Variants in STAU2 observed in about 807,000 individuals in gnomAD.
The protein encoded by STAU2 is staufen double-stranded RNA binding protein 2.
In STAU2, 20 loss-of-function variants were observed where a neutral mutation model predicts 65.9. The observed-to-expected ratio is 0.30, with a 90% confidence interval of 0.21 to 0.44. STAU2 has a LOEUF of 0.44. Ranked by LOEUF, STAU2 falls within the 20% of genes least tolerant of loss-of-function variation. The pLI, the probability that STAU2 is intolerant of heterozygous loss-of-function variation, is 1.00. For synonymous variants in STAU2, 232 were observed against 233.9 expected (o/e 0.99, Z 0.07); for missense variants, 558 against 683.9 (o/e 0.82, Z 2.05).
chr8:73,457,373 C>A (rs973480967), intron 13 of STAU2, among the ~76,000 whole-genome samples: 2 of 152,214 alleles, frequency 1.3e-5, no homozygotes, highest in South Asian at 2.1e-4. Flanking sequence ...TAAGGGCCAA[C>A]AAGGCTGCCC....
intron 6 of STAU2, among the ~76,000 whole-genome samples, chr8:73,639,132 G>T (rs912857367): frequency 3.3e-5 from 5 of 151,960 alleles, no homozygotes; most frequent in Non-Finnish European, 7.4e-5. Context: ...TATTTAAATT[G>T]TAGTATCTTG....
chr8:73,506,164 G>T (rs1026107650), intron 13 of STAU2, among the ~76,000 whole-genome samples: 1 of 152,124 alleles, frequency 6.6e-6, no homozygotes, highest in Non-Finnish European at 1.5e-5. Context: ...GGGCTAACAC[G>T]TGTTCCATTG....
intron 6 of STAU2, among the ~76,000 whole-genome samples, chr8:73,637,477 T>TAAAAAAAAAAAAAAAAAAAA (rs60833468): frequency 1.8e-3 from 101 of 57,100 alleles, no homozygotes; most frequent in East Asian, 3.2e-3. Flanking sequence ...GTGCTGAAAG[T>TAAAAAAAAAAAAAAAAAAAA]AAAAAAAAAA....
intron 6 of STAU2, among the ~76,000 whole-genome samples, chr8:73,658,947 A>AAC (rs1816608884): frequency 6.6e-6 from 1 of 151,214 alleles, no homozygotes. Context: ...AAACAACAAA[A>AAC]AAAAAAAACC....
chr8:73,561,543 C>A (rs773620862), intron 12 of STAU2: 2 of 455,068 alleles, frequency 4.4e-6, no homozygotes, highest in Admixed American at 2.4e-5. Flanking sequence ...GATTTCCCTA[C>A]GACAGAAAAA....
chr8:73,742,340 C>T, intron 1 of STAU2: 2 of 539,148 alleles, frequency 3.7e-6, no homozygotes, highest in Non-Finnish European at 4.7e-6. Context: ...CGAGACTAGC[C>T]TGGCGAACAC....
intron 13 of STAU2, among the ~76,000 whole-genome samples, chr8:73,495,995 T>C (rs1821399730): frequency 6.6e-6 from 1 of 151,514 alleles, no homozygotes; most frequent in African/African-American, 2.4e-5. Flanking sequence ...AAATAACTTG[T>C]AGTTATTTCT....
intron 12 of STAU2, among the ~76,000 whole-genome samples, chr8:73,553,399 T>C (rs1270994223): frequency 1.3e-5 from 2 of 152,242 alleles, no homozygotes; most frequent in Non-Finnish European, 2.9e-5. Flanking sequence ...AAATGTGTTC[T>C]ATAACATGGT....
chr8:73,578,464 G>T (rs1317088602), intron 12 of STAU2, among the ~76,000 whole-genome samples: 2 of 152,108 alleles, frequency 1.3e-5, no homozygotes, highest in Non-Finnish European at 2.9e-5. Context: ...ACTCAGGTAG[G>T]TCTAATATAC....
At chr8:73,467,945 A>G (rs1024708992) in intron 13 of STAU2, among the ~76,000 whole-genome samples, 1 of 152,348 alleles carries the variant, frequency 6.6e-6, no homozygotes, top group African/African-American at 2.4e-5. Flanking sequence ...ACAGAATTGG[A>G]AAAAACTACT....
At chr8:73,549,487 T>A (rs1807168404) in intron 13 of STAU2, 2 of 274,828 alleles carry the variant, frequency 7.3e-6, no homozygotes, top group Non-Finnish European at 1.1e-5. Context: ...ATTTTGTAGG[T>A]TTAAAAGAAT....
chr8:73,669,107 C>T (rs547152504), intron 6 of STAU2: 12 of 701,888 alleles, frequency 1.7e-5, no homozygotes, highest in African/African-American at 1.2e-4. Flanking sequence ...TCAAGTGTTG[C>T]CATCTATAAA....
chr8:73,546,265 C>G (rs1450276886), intron 13 of STAU2, among the ~76,000 whole-genome samples: 1 of 151,722 alleles, frequency 6.6e-6, no homozygotes, highest in Non-Finnish European at 1.5e-5. Flanking sequence ...CCATGCCCAG[C>G]CAAGGAGTCA....
intron 6 of STAU2, among the ~76,000 whole-genome samples, chr8:73,654,778 C>A (rs544817254): frequency 1.7e-3 from 255 of 149,202 alleles, no homozygotes; most frequent in Non-Finnish European, 3.0e-3. Context: ...GCTCCGCCTC[C>A]CGGGTTCACG....
intron 12 of STAU2, among the ~76,000 whole-genome samples, chr8:73,557,589 C>A (rs940058023): frequency 5.9e-5 from 9 of 152,220 alleles, no homozygotes; most frequent in African/African-American, 2.2e-4. Context: ...ACTTCTCCCA[C>A]AACACGTTTC....
At chr8:73,663,760 A>T (rs1003736564) in intron 6 of STAU2, among the ~76,000 whole-genome samples, 1 of 152,078 alleles carries the variant, frequency 6.6e-6, no homozygotes, top group African/African-American at 2.4e-5. Flanking sequence ...CCTTCATTAT[A>T]CAGGTTGTGT....
At chr8:73,430,449 A>G (rs914331235) in intron 13 of STAU2, among the ~76,000 whole-genome samples, 1 of 152,130 alleles carries the variant, frequency 6.6e-6, no homozygotes, top group Non-Finnish European at 1.5e-5. Context: ...CTCCTCTCAC[A>G]CTTCATCACC....
chr8:73,592,727 G>A (rs1810912951), intron 11 of STAU2, among the ~76,000 whole-genome samples: 1 of 152,080 alleles, frequency 6.6e-6, no homozygotes, highest in African/African-American at 2.4e-5. Context: ...AGGCATGGTG[G>A]TGCACACTGT....
intron 12 of STAU2, among the ~76,000 whole-genome samples, chr8:73,576,147 C>A (rs955311165): frequency 6.6e-6 from 1 of 151,998 alleles, no homozygotes; most frequent in African/African-American, 2.4e-5. Flanking sequence ...ATATTCCACT[C>A]CCAGAAACTC....
Sources: gnomAD v4.1 joint callset for allele counts (sites outside exome capture counted in the v4.1 genomes callset) on GRCh38, gnomAD v4.1.1 for gene constraint, MANE v1.5 for transcripts, NCBI Gene and HGNC (gene_info 2026-07-23, HGNC 2026-07-21) for gene names.